Variants in DIXDC1 observed in about 807,000 individuals in gnomAD.
The protein encoded by DIXDC1 is DIX domain containing 1.
In DIXDC1, 64 loss-of-function variants were observed where a neutral mutation model predicts 103.1. The ratio of observed to expected loss-of-function variants is 0.62; its 90% confidence interval spans 0.51 to 0.76. DIXDC1 has a LOEUF of 0.76. DIXDC1 is among the 30% of genes least tolerant of loss of function. DIXDC1 has a pLI of 0.00. For missense variants in DIXDC1, 759 were observed against 834.2 expected (o/e 0.91, Z 1.11); for synonymous variants, 266 against 298.5 (o/e 0.89, Z 1.12).
At chr11:112,010,134 A>G (rs587633142) in intron 17 of DIXDC1, among the ~76,000 whole-genome samples, 24 of 152,360 alleles carry the variant, frequency 1.6e-4, no homozygotes, top group South Asian at 1.2e-3. Flanking sequence ...TCAATGTGCA[A>G]AAATCACAAG....
intron 17 of DIXDC1, among the ~76,000 whole-genome samples, chr11:112,013,567 G>A (rs184213079): frequency 3.3e-5 from 5 of 152,052 alleles, no homozygotes; most frequent in African/African-American, 1.2e-4. Context: ...TTAGGTAATG[G>A]TATTACCATG....
At chr11:111,981,861 T>G (rs1280672018) in intron 6 of DIXDC1, among the ~76,000 whole-genome samples, 2 of 152,254 alleles carry the variant, frequency 1.3e-5, no homozygotes, top group African/African-American at 4.8e-5. Flanking sequence ...GTTTGTTTGC[T>G]GTGTGACTCA....
chr11:111,932,757 T>C (rs1246311894), upstream of DIXDC1, among the ~76,000 whole-genome samples: 1 of 152,212 alleles, frequency 6.6e-6, no homozygotes, highest in Non-Finnish European at 1.5e-5. Flanking sequence ...ACATTCATCA[T>C]GTATACTCTT....
At chr11:111,992,586 A>C in intron 11 of DIXDC1, 67 bp downstream of exon 11, 1 of 1,347,026 alleles carries the variant, frequency 7.4e-7, no homozygotes, top group Non-Finnish European at 1.0e-6. Context: ...TGCACGAAGA[A>C]CTATTAGACT....
chr11:112,014,795 T>A (rs1861537605), intron 17 of DIXDC1, among the ~76,000 whole-genome samples: 1 of 152,228 alleles, frequency 6.6e-6, no homozygotes, highest in South Asian at 2.1e-4. Context: ...AAAGTGAGTA[T>A]TTTATTTATT....
At chr11:111,985,097 G>T in intron 7 of DIXDC1, 135 bp from the exon 8 acceptor site, 1 of 735,568 alleles carries the variant, frequency 1.4e-6, no homozygotes, top group South Asian at 1.6e-5. Flanking sequence ...AGTATCTAAG[G>T]AGCAAAAATT....
At chr11:111,941,728 AG>A (rs1417862957) in intron 1 of DIXDC1, among the ~76,000 whole-genome samples, 2 of 151,954 alleles carry the variant, frequency 1.3e-5, no homozygotes, top group African/African-American at 4.8e-5. Context: ...TGAAGTGGGT[AG>A]ATCACTTGAG....
intron 13 of DIXDC1, 28 bp downstream of exon 13, chr11:111,993,616 C>A: frequency 6.2e-7 from 1 of 1,613,942 alleles, no homozygotes; most frequent in South Asian, 1.1e-5. Flanking sequence ...CACTGACTTC[C>A]CTGCCTCTTT....
At chr11:112,012,747 G>A (rs1008947301) in intron 17 of DIXDC1, among the ~76,000 whole-genome samples, 2 of 151,966 alleles carry the variant, frequency 1.3e-5, no homozygotes, top group Non-Finnish European at 2.9e-5. Context: ...TTTGTCATAC[G>A]GCTTTATGTT....
chr11:111,993,114 T>G (rs1459475086), intron 12 of DIXDC1, 110 bp downstream of exon 12: 7 of 1,265,214 alleles, frequency 5.5e-6, no homozygotes, highest in Non-Finnish European at 6.5e-6. Flanking sequence ...TTTTGATTTT[T>G]TTTTATCCTT....
At chr11:112,002,168 G>A (rs1861089000) in intron 17 of DIXDC1, among the ~76,000 whole-genome samples, 1 of 151,842 alleles carries the variant, frequency 6.6e-6, no homozygotes, top group Non-Finnish European at 1.5e-5. Flanking sequence ...ACTACCAGGT[G>A]CTTATGAAAA....
Position 111,995,472 on chromosome 11 carries a change from C to A in DIXDC1, c.1597C>A (p.Gln533Lys). 2 of 1,614,008 alleles carry A rather than the reference C, an allele frequency of 1.2e-6. No individual in the cohort carries two copies. Among genetic ancestry groups the A allele is most frequent in the South Asian group, 2.2e-5 (2 of 91,082 alleles). The change falls in exon 16 of 20, where the codon CAG (glutamine) becomes AAG (lysine). Residue 533 changes from glutamine (Q) to lysine (K), a missense_variant. This residue lies in a region of DIXDC1 where 657 missense variants were observed against 727.5 expected (regional missense o/e 0.90). Transcript: ENST00000440460. ...LRNSFSGHDP[Q>K]HHTIDSLEQG... ...CAACAGCTTCAGTGGCCACGATCCT[C>A]AGCACCACACTATTGACAGCTTGGA... is the stretch of plus-strand genomic sequence containing the variant.
intron 17 of DIXDC1, among the ~76,000 whole-genome samples, chr11:112,000,050 A>C (rs1416950939): frequency 6.6e-6 from 1 of 152,114 alleles, no homozygotes; most frequent in African/African-American, 2.4e-5. Context: ...CACAAGAATC[A>C]CTTGAACCTG....
chr11:111,938,091 G>A, intron 1 of DIXDC1, among the ~76,000 whole-genome samples: 1 of 152,160 alleles, frequency 6.6e-6, no homozygotes, highest in Non-Finnish European at 1.5e-5. Context: ...CAAGGACATG[G>A]TTGTCTGAGA....
intron 1 of DIXDC1, among the ~76,000 whole-genome samples, chr11:111,953,320 CATCT>C (rs1966848280): frequency 1.3e-5 from 2 of 151,972 alleles, no homozygotes; most frequent in South Asian, 4.2e-4. Flanking sequence ...ATTAATTTTT[CATCT>C]ATCCAAAAAA....
Position 111,977,336 on chromosome 11 carries a change from G to A in DIXDC1, c.656+2353G>A. The A allele has an allele frequency of 1.9e-6, 2 of 1,055,534 alleles. No individual in the cohort carries two copies. The highest frequency in any genetic ancestry group is 2.3e-6 in the Non-Finnish European group (2 of 874,318). The allele number at this position is 1,055,534 out of a possible 1,614,324, so 65.4% of individuals were successfully genotyped here. A position where few individuals can be genotyped will look rare whatever the true frequency, so the allele number is the denominator to read the frequency against. Reference sequence around the variant, plus strand: ...CCGGAAGGTGGCACGGAGTGGGATCGCCGCTGGGGACTCGAGGCGCAGCCT... The same window carrying A: ...CCGGAAGGTGGCACGGAGTGGGATCACCGCTGGGGACTCGAGGCGCAGCCT... On this transcript the variant is annotated intron_variant, in intron 5 of 19. Transcript: ENST00000440460. This position sits in a 1 kb window ranked among gnomAD's most constrained non-coding sequence, Gnocchi z 6.1.
intron 3 of DIXDC1, among the ~76,000 whole-genome samples, chr11:111,971,776 A>G (rs1555172093): frequency 6.7e-6 from 1 of 150,052 alleles, no homozygotes; most frequent in Non-Finnish European, 1.5e-5. Flanking sequence ...ACACCATAGG[A>G]TACTATGCAG....
intron 3 of DIXDC1, among the ~76,000 whole-genome samples, chr11:111,969,608 T>C (rs368059976): frequency 2.0e-5 from 3 of 152,310 alleles, no homozygotes; most frequent in Non-Finnish European, 2.9e-5. Context: ...TTAGAGAGCA[T>C]AGGCTCCCTA....
Position 111,958,624 on chromosome 11 carries a change from G to A in DIXDC1, c.61-5925G>A, listed in dbSNP as rs1859468196. 6.6e-6 allele frequency among the ~76,000 whole-genome samples: 1 copy of A among 152,220 alleles called. No homozygotes were observed. Among genetic ancestry groups the A allele is most frequent in the South Asian group, 2.1e-4 (1 of 4,838 alleles). On this transcript the variant is annotated intron_variant, in intron 1 of 19. Transcript: ENST00000440460. The surrounding 1 kb of genome is among the most constrained non-coding windows in gnomAD (Gnocchi z 4.2). ...CGTGCCCCTTGGCACGTGGCAGGAG[G>A]CAGACAGGCTCCTGTGTGGAAAGGG...
Sources: gnomAD v4.1 joint callset for allele counts (sites outside exome capture counted in the v4.1 genomes callset) on GRCh38, gnomAD v4.1.1 for gene constraint, gnomAD v4.1.1 regional missense constraint, Gnocchi (gnomAD v3.1) non-coding constraint, MANE v1.5 for transcripts, NCBI Gene and HGNC (gene_info 2026-07-23, HGNC 2026-07-21) for gene names.